The following RFT1 variants were observed in gnomAD, a reference collection of about 807,000 sequenced individuals.
The protein encoded by RFT1 is man(5)GlcNAc(2)-PP-dolichol translocation protein RFT1.
In RFT1, 43 loss-of-function variants were observed where a neutral mutation model predicts 62.2. The ratio of observed to expected loss-of-function variants is 0.69; its 90% CI spans 0.54 to 0.89. RFT1 has a LOEUF of 0.89. RFT1 is among the 40% of genes least tolerant of loss of function. The pLI is 0.00. For missense variants in RFT1, 605 were observed against 649.9 expected (o/e 0.93, Z 0.75); for synonymous variants, 262 against 264.6 (o/e 0.99, Z 0.10).
chr3:53,093,376 C>CTGAAG (rs1701051825), intron 11 of RFT1, among the ~76,000 whole-genome samples: 2 of 152,204 alleles, frequency 1.3e-5, no homozygotes, highest in African/African-American at 4.8e-5. Flanking sequence ...TAGTTATCTT[C>CTGAAG]AGTCCTCCAA....
chr3:53,110,665 A>G (rs1701622960), intron 7 of RFT1, among the ~76,000 whole-genome samples: 1 of 152,226 alleles, frequency 6.6e-6, no homozygotes, highest in Non-Finnish European at 1.5e-5. Flanking sequence ...TGGGGGGGAA[A>G]TAAAATAACA....
At chr3:53,093,326 C>T (rs1163401456) in intron 11 of RFT1, among the ~76,000 whole-genome samples, 14 of 152,166 alleles carry the variant, frequency 9.2e-5, no homozygotes, top group Non-Finnish European at 7.4e-5. Context: ...TGGATCCTGG[C>T]GCTTCTTGCA....
At chr3:53,097,951 A>C (rs1701190683) in intron 11 of RFT1, among the ~76,000 whole-genome samples, 1 of 152,214 alleles carries the variant, frequency 6.6e-6, no homozygotes, top group Admixed American at 6.5e-5. Flanking sequence ...TTTTAAAACT[A>C]TGGGTTGTGA....
At chr3:53,096,456 C>T (rs1219117487) in intron 11 of RFT1, among the ~76,000 whole-genome samples, 1 of 151,862 alleles carries the variant, frequency 6.6e-6, no homozygotes, top group East Asian at 1.9e-4. Flanking sequence ...CTGAGATGGG[C>T]AGATCACCTG....
chr3:53,121,770 T>A lies in RFT1; in HGVS notation c.487A>T (p.Lys163Ter). Residue 163 changes from lysine to a stop codon, truncating the protein, a stop_gained, in exon 5 of 13, where the codon AAG (lysine) becomes TAG (stop). Transcript: ENST00000296292. LOFTEE classifies it high-confidence loss of function. ...ACGAGAAAAGCTGTCAGAACGCTCT[T>A]AAGAATTACCGACAGGCTCTCTGCA... Reference protein sequence around the residue: ...VIAESLSVILKSVLTAFLVLW... With the variant: ...VIAESLSVIL 6.2e-7 allele frequency: 1 copy of A among 1,613,890 alleles called. No homozygotes were observed. Among genetic ancestry groups the A allele is most frequent in the East Asian group, 2.2e-5 (1 of 44,882 alleles).
intron 10 of RFT1, among the ~76,000 whole-genome samples, chr3:53,101,311 G>A (rs906255331): frequency 1.3e-5 from 2 of 152,140 alleles, no homozygotes; most frequent in African/African-American, 2.4e-5. Flanking sequence ...CTCTGCACCC[G>A]GGAGGCTCAA....
the RFT1 span, among the ~76,000 whole-genome samples, chr3:53,066,935 T>C: frequency 6.6e-6 from 1 of 152,156 alleles, no homozygotes; most frequent in Non-Finnish European, 1.5e-5. Flanking sequence ...GGAGAATAAA[T>C]AAACCAGTGT....
chr3:53,091,192 C>G lies in RFT1; in HGVS notation c.*711G>C, dbSNP rs1361965167. 1 of 152,590 alleles carries G rather than the reference C, an allele frequency of 6.6e-6. No individual in the cohort carries two copies. Among genetic ancestry groups the G allele is most frequent in the Non-Finnish European group, 1.5e-5 (1 of 68,366 alleles). The allele number at this position is 152,590 out of a possible 1,614,324, so 9.5% of individuals were successfully genotyped here. On this transcript the variant is annotated 3_prime_UTR_variant, in exon 13 of 13. Coordinates refer to ENST00000296292, the MANE Select transcript of RFT1 (RefSeq NM_052859.4). ...GCCAGGAGTCTCCAGCCAGCTTTCA[C>G]CCACCCTTCAATCAACAAATCCTGA...
Position 53,123,419 on chromosome 3 carries a change from C to T in RFT1, c.266+305G>A, listed in dbSNP as rs536946199. ...AAAAGATGGCACAGGCCAAGTGGAG[C>T]CCACAGTGGTGGTCAGAAACAGCAA... On this transcript the variant is annotated intron_variant, in intron 3 of 12. Coordinates refer to ENST00000296292, the MANE Select transcript of RFT1 (RefSeq NM_052859.4). Among the ~76,000 whole-genome samples the T allele has an allele frequency of 4.9e-4, 74 of 152,288 alleles. 1 individual carries two copies. The South Asian group carries it at 0.015, about 31-fold the overall frequency.
At chr3:53,081,921 G>A in the RFT1 span, among the ~76,000 whole-genome samples, 2 of 152,068 alleles carry the variant, frequency 1.3e-5, no homozygotes, top group Non-Finnish European at 2.9e-5. Context: ...CAAATCCTGT[G>A]GGTTCCAAAC....
At chr3:53,122,351 T>A in intron 4 of RFT1, 23 bp downstream of exon 4, 1 of 1,610,668 alleles carries the variant, frequency 6.2e-7, no homozygotes, top group Non-Finnish European at 8.5e-7. Context: ...CCATTTCCCA[T>A]TCACAGCAGA....
At chr3:53,078,949 TGGA>T in the RFT1 span, among the ~76,000 whole-genome samples, 1 of 152,170 alleles carries the variant, frequency 6.6e-6, no homozygotes, top group Non-Finnish European at 1.5e-5. Context: ...CTTCTGCAGA[TGGA>T]GAAAAGGCAA....
At chr3:53,118,941 G>A (rs1177697602) in intron 6 of RFT1, among the ~76,000 whole-genome samples, 2 of 152,172 alleles carry the variant, frequency 1.3e-5, no homozygotes, top group Non-Finnish European at 1.5e-5. Context: ...GTGAGGCCGG[G>A]CGTGGTGGCT....
chr3:53,104,582 T>C (rs1207579570), intron 9 of RFT1, among the ~76,000 whole-genome samples: 1 of 152,264 alleles, frequency 6.6e-6, no homozygotes, highest in Non-Finnish European at 1.5e-5. Context: ...TAGCCAGCTC[T>C]GTGCTTCTCC....
At chr3:53,106,676 T>C in intron 8 of RFT1, 143 bp downstream of exon 8, 2 of 726,926 alleles carry the variant, frequency 2.8e-6, no homozygotes, top group East Asian at 2.7e-5. Context: ...GCATAGTCAG[T>C]ACAAAGACCT....
intron 7 of RFT1, among the ~76,000 whole-genome samples, chr3:53,108,253 T>C (rs1193269399): frequency 1.3e-5 from 2 of 151,644 alleles, no homozygotes; most frequent in African/African-American, 2.4e-5. Context: ...GGTTTCACCA[T>C]GTTGGCCAGG....
the RFT1 span, among the ~76,000 whole-genome samples, chr3:53,075,336 A>G: frequency 0.54 from 81,615 of 152,070 alleles, 22,524 homozygotes; most frequent in East Asian, 0.71. Context: ...CATCTCCCAG[A>G]CACCTCTGAC....
chr3:53,127,183 G>A (rs1000740874), intron 1 of RFT1, among the ~76,000 whole-genome samples: 1 of 152,148 alleles, frequency 6.6e-6, no homozygotes, highest in Non-Finnish European at 1.5e-5. Flanking sequence ...TTGGGAGGCC[G>A]AGGCGGGTGG....
intron 8 of RFT1, among the ~76,000 whole-genome samples, chr3:53,106,547 C>G (rs1701480541): frequency 6.6e-6 from 1 of 152,164 alleles, no homozygotes; most frequent in Admixed American, 6.5e-5. Flanking sequence ...TGACAGTGAG[C>G]TCCCTTTTCT....
Sources: allele counts gnomAD v4.1 joint callset (sites outside exome capture counted in the v4.1 genomes callset), GRCh38; gene constraint gnomAD v4.1.1; transcripts MANE v1.5; gene names NCBI Gene and HGNC (gene_info 2026-07-23, HGNC 2026-07-21).